The following SAMD4A variants were observed in gnomAD, a reference collection of about 807,000 sequenced individuals.
SAMD4A encodes the protein sterile alpha motif domain containing 4A, also known as protein Smaug homolog 1.
SAMD4A carries 33 observed loss-of-function variants against 81.3 expected under a neutral mutation model. The ratio of observed to expected loss-of-function variants is 0.41; its 90% confidence interval spans 0.31 to 0.54. The LOEUF is 0.54. Ranked by LOEUF, SAMD4A falls within the 20% of genes least tolerant of loss-of-function variation. SAMD4A has a pLI of 0.37. For synonymous variants in SAMD4A, 389 were observed against 382.1 expected, an observed-to-expected ratio of 1.02 and a Z score of -0.21; for missense variants, 854 against 951.1, an observed-to-expected ratio of 0.90 and a Z score of 1.34.
intron 3 of SAMD4A, among the ~76,000 whole-genome samples, chr14:54,708,299 A>G (rs1566596816): frequency 6.6e-6 from 1 of 152,220 alleles, no homozygotes; most frequent in Non-Finnish European, 1.5e-5. Context: ...GGGTGTTGCT[A>G]TCAGTTGAGA....
chr14:54,593,665 A>T (rs925038193), intron 2 of SAMD4A, among the ~76,000 whole-genome samples: 1 of 152,150 alleles, frequency 6.6e-6, no homozygotes, highest in East Asian at 1.9e-4. Context: ...CCCCCTCTAA[A>T]GGCTGGAATA....
intron 2 of SAMD4A, among the ~76,000 whole-genome samples, chr14:54,600,431 T>C (rs2034022923): frequency 6.6e-6 from 1 of 152,258 alleles, no homozygotes; most frequent in African/African-American, 2.4e-5. Flanking sequence ...GTGCTTCCAT[T>C]GACCCAGCTG....
At chr14:54,722,709 T>C (rs1443011023) in intron 3 of SAMD4A, among the ~76,000 whole-genome samples, 1 of 152,216 alleles carries the variant, frequency 6.6e-6, no homozygotes, top group Non-Finnish European at 1.5e-5. Flanking sequence ...CATCTAATCA[T>C]GTATTTAATG....
At chr14:54,636,195 G>T (rs1446899140) in intron 2 of SAMD4A, among the ~76,000 whole-genome samples, 1 of 152,138 alleles carries the variant, frequency 6.6e-6, no homozygotes, top group Admixed American at 6.5e-5. Context: ...GGGAGGGAAG[G>T]CAGTTTGCAT....
At chr14:54,744,062 G>C (rs963870288) in intron 4 of SAMD4A, among the ~76,000 whole-genome samples, 1 of 152,182 alleles carries the variant, frequency 6.6e-6, no homozygotes, top group Non-Finnish European at 1.5e-5. Flanking sequence ...GAGCTTTTGA[G>C]AGCAGTCTGG....
At chr14:54,704,626 C>T (rs918543988) in intron 3 of SAMD4A, among the ~76,000 whole-genome samples, 3 of 152,144 alleles carry the variant, frequency 2.0e-5, no homozygotes, top group African/African-American at 4.8e-5. Flanking sequence ...CTATGTAATA[C>T]TTGAGTGAAA....
intron 2 of SAMD4A, among the ~76,000 whole-genome samples, chr14:54,661,998 A>C (rs2035652528): frequency 6.6e-6 from 1 of 152,230 alleles, no homozygotes. Flanking sequence ...CACACAAAGA[A>C]GAGCCAAGAG....
chr14:54,577,773 G>A (rs1430628429), intron 2 of SAMD4A, among the ~76,000 whole-genome samples: 2 of 152,190 alleles, frequency 1.3e-5, no homozygotes, highest in African/African-American at 4.8e-5. Flanking sequence ...GGCCAGAGAA[G>A]ACAGAATGGC....
chr14:54,623,483 CAAAAAAAAAAAAAA>C (rs59768858), intron 2 of SAMD4A, among the ~76,000 whole-genome samples: 7 of 45,952 alleles, frequency 1.5e-4, no homozygotes, highest in Non-Finnish European at 2.0e-4. Context: ...TGGACATCAG[CAAAAAAAAAAAAAA>C]AAAAAAAAAA....
intron 2 of SAMD4A, among the ~76,000 whole-genome samples, chr14:54,656,553 T>C (rs772306137): frequency 6.6e-6 from 1 of 152,220 alleles, no homozygotes; most frequent in Non-Finnish European, 1.5e-5. Context: ...CCGAGATACT[T>C]ACACAGTTGT....
chr14:54,766,137 C>G (rs567637815), intron 8 of SAMD4A, among the ~76,000 whole-genome samples: 1 of 152,136 alleles, frequency 6.6e-6, no homozygotes, highest in Non-Finnish European at 1.5e-5. Context: ...GTCAAAAGCC[C>G]GTACTGAAGG....
intron 2 of SAMD4A, among the ~76,000 whole-genome samples, chr14:54,612,288 G>A (rs529914235): frequency 6.6e-6 from 1 of 151,978 alleles, no homozygotes; most frequent in Non-Finnish European, 1.5e-5. Context: ...GTCCCTTAAT[G>A]TTCTTATTTT....
At position 54,684,747 on chromosome 14, in the gene SAMD4A, A is replaced by G. The variant is rs548456414; in HGVS notation, c.197-17315A>G. ...GCTGTCTGGGGATGGAGCAGCAGCA[A>G]GGTAGTAGGGTGGTGGCATCTTTTT... is the stretch of plus-strand genomic sequence containing the variant. On this transcript the variant is annotated intron_variant, in intron 2 of 12. Coordinates refer to ENST00000554335, the MANE Select transcript of SAMD4A (RefSeq NM_015589.6). 4.6e-5 allele frequency among the ~76,000 whole-genome samples: 7 copies of G among 152,326 alleles called. No homozygotes were observed. The East Asian group carries it at 1.4e-3, about 29-fold the overall frequency.
intron 2 of SAMD4A, among the ~76,000 whole-genome samples, chr14:54,692,027 G>A (rs931611641): frequency 6.6e-6 from 1 of 152,152 alleles, no homozygotes; most frequent in Non-Finnish European, 1.5e-5. Flanking sequence ...TCTACATGCT[G>A]TTCCTTGGTG....
chr14:54,702,288 TGCTTTAGCCATGTG>T lies in SAMD4A; in HGVS notation c.427_440del (p.Leu143GlufsTer37). ...CAGCCACTTCGTTAGAAGACCGTAG[TGCTTTAGCCATGTG>T]GCTGAATCACTTGGAGGACCGCACG... On this transcript the variant is annotated frameshift_variant, in exon 3 of 13. Coordinates refer to ENST00000554335, the MANE Select transcript of SAMD4A (RefSeq NM_015589.6). LOFTEE classifies it high-confidence loss of function. The T allele has an allele frequency of 6.2e-7, 1 of 1,614,226 alleles. No homozygotes were observed. Among genetic ancestry groups the T allele is most frequent in the Non-Finnish European group, 8.5e-7 (1 of 1,180,032 alleles).
At chr14:54,638,554 C>A (rs540032525) in intron 2 of SAMD4A, among the ~76,000 whole-genome samples, 95 of 152,216 alleles carry the variant, frequency 6.2e-4, no homozygotes, top group Non-Finnish European at 7.2e-4. Context: ...TTGTTAAATT[C>A]CCTGATTTAA....
chr14:54,713,162 C>A (rs1057250514), intron 3 of SAMD4A, among the ~76,000 whole-genome samples: 2 of 151,884 alleles, frequency 1.3e-5, no homozygotes, highest in Admixed American at 6.5e-5. Flanking sequence ...AGAAAGATGT[C>A]TCATGACTGT....
At position 54,685,280 on chromosome 14, in the gene SAMD4A, C is replaced by CCA. The variant is rs1555343075; in HGVS notation, c.197-16781_197-16780insAC. ...ATAACTCCCCATTCTTCCTGCCCCC[C>CCA]CCCCCAGCTCCTGGCAGCCACCATT... is the stretch of plus-strand genomic sequence containing the variant. On this transcript the variant is annotated intron_variant, in intron 2 of 12. Coordinates refer to ENST00000554335, the MANE Select transcript of SAMD4A (RefSeq NM_015589.6). Among the ~76,000 whole-genome samples the CCA allele has an allele frequency of 9.4e-5, 14 of 148,498 alleles. 1 individual carries two copies. In the East Asian group the frequency reaches 2.6e-3, roughly 28 times the overall value.
chr14:54,602,688 C>A (rs1056334265), intron 2 of SAMD4A, among the ~76,000 whole-genome samples: 2 of 151,586 alleles, frequency 1.3e-5, no homozygotes, highest in Non-Finnish European at 2.9e-5. Context: ...AGGAGATATA[C>A]CTAATGTAAA....
Sources: gnomAD v4.1 joint callset for allele counts (sites outside exome capture counted in the v4.1 genomes callset) on GRCh38, gnomAD v4.1.1 for gene constraint, MANE v1.5 for transcripts, NCBI Gene and HGNC (gene_info 2026-07-23, HGNC 2026-07-21) for gene names.